NTF3: variants seen among roughly 807,000 people sequenced by gnomAD.
NTF3 encodes the protein neurotrophin 3.
NTF3 carries 8 observed loss-of-function variants against 26.3 expected under a neutral mutation model. That is an observed-to-expected ratio of 0.30 (90% CI 0.18 to 0.55). The LOEUF is 0.55. Ranked by LOEUF, NTF3 falls within the 20% of genes least tolerant of loss-of-function variation. The probability of loss-of-function intolerance (pLI) is 0.93; values close to 1 mark genes in which losing one functional copy is unlikely to be tolerated. For synonymous variants in NTF3, 154 were observed against 145.5 expected (o/e 1.06, Z -0.42); for missense variants, 276 against 352.9 (o/e 0.78, Z 1.75).
At chr12:5,458,290 G>A (rs1405104796) in intron 1 of NTF3, among the ~76,000 whole-genome samples, 1 of 152,152 alleles carries the variant, frequency 6.6e-6, no homozygotes. Flanking sequence ...GTGGCCACTT[G>A]AGCATGACCG....
intron 1 of NTF3, among the ~76,000 whole-genome samples, chr12:5,486,840 T>C (rs1157355216): frequency 1.3e-5 from 2 of 152,012 alleles, no homozygotes; most frequent in African/African-American, 2.4e-5. Flanking sequence ...AATTTGAAAA[T>C]AGTTCGACTA....
rs183211354 is a variant in NTF3 at position 5,448,777 on chromosome 12, G to T, written c.18+16435G>T. On this transcript the variant is annotated intron_variant, in intron 1 of 1. Transcript: ENST00000423158. Reference sequence around the variant, plus strand: ...CTGACTTACTTTACAGTTTCTGAGAGAACTATGTGTGCTATTACTAGAAGC... The same window carrying T: ...CTGACTTACTTTACAGTTTCTGAGATAACTATGTGTGCTATTACTAGAAGC... Among the ~76,000 whole-genome samples the T allele has an allele frequency of 5.3e-5, 8 of 152,268 alleles. No homozygotes were observed. In the East Asian group the frequency reaches 9.6e-4, roughly 18 times the overall value.
chr12:5,493,911 C>T (rs1940969246), intron 1 of NTF3, among the ~76,000 whole-genome samples: 1 of 152,088 alleles, frequency 6.6e-6, no homozygotes, highest in South Asian at 2.1e-4. Flanking sequence ...AGGACATCGT[C>T]CACCCACAAG....
intron 1 of NTF3, among the ~76,000 whole-genome samples, chr12:5,477,538 A>G (rs1438042249): frequency 2.6e-5 from 4 of 152,342 alleles, no homozygotes; most frequent in South Asian, 2.1e-4. Context: ...CGCAGGGTTC[A>G]GGTAAGTTGT....
upstream of NTF3, among the ~76,000 whole-genome samples, chr12:5,431,125 CT>C (rs919466576): frequency 3.9e-5 from 6 of 152,288 alleles, no homozygotes; most frequent in South Asian, 4.2e-4. Context: ...CCCCCTCCCC[CT>C]ATCCTCTCCT....
At chr12:5,479,150 T>C (rs974736711) in intron 1 of NTF3, among the ~76,000 whole-genome samples, 7 of 152,220 alleles carry the variant, frequency 4.6e-5, no homozygotes, top group African/African-American at 1.7e-4. Context: ...ACTTGTTTCA[T>C]CTCCAGAATA....
At chr12:5,446,214 C>T (rs916856282) in intron 1 of NTF3, among the ~76,000 whole-genome samples, 1 of 152,136 alleles carries the variant, frequency 6.6e-6, no homozygotes, top group African/African-American at 2.4e-5. Context: ...TTATACCAGG[C>T]TTGAGGGCAC....
At position 5,433,519 on chromosome 12, in the gene NTF3, C is replaced by A. The variant is rs2121129553; in HGVS notation, c.18+1177C>A. On this transcript the variant is annotated intron_variant, in intron 1 of 1. Coordinates refer to ENST00000423158, the MANE Select transcript of NTF3 (RefSeq NM_001102654.2). The surrounding 1 kb of genome is among the most constrained non-coding windows in gnomAD (Gnocchi z 4.6). Reference sequence around the variant, plus strand: ...TTGTTGCTCTCCGCGGGAGTGGGTGCGCGTCCAGGAGGCGCTGCTTCTTTG... The same window carrying A: ...TTGTTGCTCTCCGCGGGAGTGGGTGAGCGTCCAGGAGGCGCTGCTTCTTTG... Among the ~76,000 whole-genome samples the A allele has an allele frequency of 6.6e-6, 1 of 151,764 alleles. No homozygotes were observed. The highest frequency in any genetic ancestry group is 2.0e-4 in the East Asian group (1 of 5,084).
rs1382465611 is a variant in NTF3, at chr12:5,432,350, G to A, written c.18+8G>A. On this transcript the variant is annotated splice_region_variant and intron_variant, in intron 1 of 1. Transcript: ENST00000423158. ...ATGGTTACTTTTGCCACGGTAAGGG[G>A]AGGCGGCGGGCACCTTGGGTGGGCA... The A allele has an allele frequency of 1.9e-6, 3 of 1,612,584 alleles. No individual in the cohort carries two copies. The highest frequency in any genetic ancestry group is 2.7e-5 in the African/African-American group (2 of 74,812).
At chr12:5,444,259 G>C (rs1257529850) in intron 1 of NTF3, among the ~76,000 whole-genome samples, 1 of 152,196 alleles carries the variant, frequency 6.6e-6, no homozygotes, top group East Asian at 1.9e-4. Flanking sequence ...TGTTCCAATT[G>C]TCGATTATGT....
intron 1 of NTF3, among the ~76,000 whole-genome samples, chr12:5,465,552 G>A (rs1940578752): frequency 6.6e-6 from 1 of 152,246 alleles, no homozygotes. Context: ...CTGCCAAGCA[G>A]TGTGCACAGC....
intron 1 of NTF3, among the ~76,000 whole-genome samples, chr12:5,490,129 G>A (rs1940916824): frequency 6.6e-6 from 1 of 152,140 alleles, no homozygotes; most frequent in Admixed American, 6.5e-5. Context: ...GCCAAGAAGA[G>A]CCTGGGGACC....
chr12:5,494,396 G>A lies in NTF3; in HGVS notation c.221G>A (p.Ser74Asn), dbSNP rs1156705879. The part of the protein sequence containing the change: ...QMVDVKENYQ[S>N]TLPKAEAPRE... ...GTGGACGTTAAGGAAAATTACCAGA[G>A]CACCCTGCCCAAAGCTGAGGCTCCC... Residue 74 changes from serine to asparagine, a missense_variant, in exon 2 of 2, where the codon AGC becomes AAC. Ser to Asn is a conservative substitution (Grantham distance 46). Transcript: ENST00000423158. This position sits in a 1 kb window ranked among gnomAD's most constrained non-coding sequence, Gnocchi z 8.3. 3.7e-6 allele frequency: 6 copies of A among 1,613,668 alleles called. No homozygotes were observed. Among genetic ancestry groups the A allele is most frequent in the Non-Finnish European group, 5.1e-6 (6 of 1,180,028 alleles).
At position 5,495,118 on chromosome 12, in the gene NTF3, T is replaced by A. The variant is rs1030975653; in HGVS notation, c.*130T>A. On this transcript the variant is annotated 3_prime_UTR_variant, in exon 2 of 2. Transcript: ENST00000423158. The stretch of plus-strand genomic sequence containing the variant: ...TTATTAAACTTCAGCAACCCTACAG[T>A]ATATAAGCTTTTTTCTCAATAAAAT... 41 of 980,192 alleles carry A rather than the reference T, an allele frequency of 4.2e-5. No individual in the cohort carries two copies. The highest frequency in any genetic ancestry group is 6.1e-5 in the Non-Finnish European group (41 of 672,540). 60.7% of individuals were successfully genotyped at this position (980,192 alleles called of 1,614,324 possible).
At chr12:5,482,205 C>T (rs545267698) in intron 1 of NTF3, among the ~76,000 whole-genome samples, 15 of 152,320 alleles carry the variant, frequency 9.8e-5, no homozygotes, top group Non-Finnish European at 1.9e-4. Context: ...GACTTGTTTC[C>T]CACAAGACGG....
intron 1 of NTF3, among the ~76,000 whole-genome samples, chr12:5,490,315 G>A (rs903482056): frequency 2.0e-5 from 3 of 152,308 alleles, no homozygotes; most frequent in East Asian, 1.9e-4. Flanking sequence ...TCGAAAGTCC[G>A]CAGCGTGTCC....
intron 1 of NTF3, among the ~76,000 whole-genome samples, chr12:5,442,865 G>C (rs1286297462): frequency 6.6e-6 from 1 of 152,196 alleles, no homozygotes; most frequent in Non-Finnish European, 1.5e-5. Context: ...GATACCAAGA[G>C]ATACAAAGCA....
intron 1 of NTF3, among the ~76,000 whole-genome samples, chr12:5,442,193 G>A (rs570996173): frequency 6.6e-6 from 1 of 152,166 alleles, no homozygotes; most frequent in Non-Finnish European, 1.5e-5. Flanking sequence ...ATGGAATACA[G>A]GGTTCCCACT....
intron 1 of NTF3, among the ~76,000 whole-genome samples, chr12:5,458,099 C>T (rs1165923912): frequency 1.3e-5 from 2 of 152,136 alleles, no homozygotes; most frequent in African/African-American, 2.4e-5. Flanking sequence ...ACACTCTCCC[C>T]ACCTCTCTCT....
Sources: allele counts gnomAD v4.1 joint callset (sites outside exome capture counted in the v4.1 genomes callset), GRCh38; gene constraint gnomAD v4.1.1; non-coding constraint Gnocchi (gnomAD v3.1); transcripts MANE v1.5; gene names NCBI Gene and HGNC (gene_info 2026-07-23, HGNC 2026-07-21).